TMEM163: variants seen among roughly 807,000 people sequenced by gnomAD.
The protein encoded by TMEM163 is transmembrane protein 163.
A neutral mutation model predicts 29.3 loss-of-function variants in TMEM163; 17 were observed. That is an observed-to-expected ratio of 0.58 (90% CI 0.40 to 0.87). The LOEUF is 0.87. Among genes scored for constraint, TMEM163 ranks in the 40% least tolerant of loss-of-function variants. The pLI, the probability that TMEM163 is intolerant of heterozygous loss-of-function variation, is 0.00. For synonymous variants in TMEM163, 157 were observed against 160.6 expected, an observed-to-expected ratio of 0.98 and a Z score of 0.17; for missense variants, 303 against 381.5, an observed-to-expected ratio of 0.79 and a Z score of 1.71.
chr2:134,645,903 A>G (rs774689890), intron 2 of TMEM163, among the ~76,000 whole-genome samples: 5 of 152,178 alleles, frequency 3.3e-5, no homozygotes, highest in Admixed American at 1.3e-4. Flanking sequence ...ACAATTGTTA[A>G]AAGTCATGGT....
At chr2:134,556,406 C>T (rs1037704609) in intron 2 of TMEM163, among the ~76,000 whole-genome samples, 2 of 152,162 alleles carry the variant, frequency 1.3e-5, no homozygotes, top group African/African-American at 4.8e-5. Context: ...ATAATAGGTT[C>T]ATGTGATTTA....
At chr2:134,707,169 G>A (rs1017530619) in intron 2 of TMEM163, among the ~76,000 whole-genome samples, 43 of 152,316 alleles carry the variant, frequency 2.8e-4, no homozygotes, top group Non-Finnish European at 5.9e-4. Context: ...CCGGACGCTA[G>A]GCAGGAAAAC....
chr2:134,494,182 A>G (rs1679494742), intron 5 of TMEM163, among the ~76,000 whole-genome samples: 1 of 152,120 alleles, frequency 6.6e-6, no homozygotes, highest in Non-Finnish European at 1.5e-5. Context: ...AGAAGTTGGT[A>G]GGTTCTTGCT....
chr2:134,633,987 AT>A (rs1683040223), intron 2 of TMEM163, among the ~76,000 whole-genome samples: 1 of 20,400 alleles, frequency 4.9e-5, no homozygotes, highest in Non-Finnish European at 1.0e-4. Context: ...ATATATATAT[AT>A]ATATATATAT....
chr2:134,553,806 C>G (rs990791243), intron 2 of TMEM163, among the ~76,000 whole-genome samples: 2 of 152,136 alleles, frequency 1.3e-5, no homozygotes, highest in Non-Finnish European at 2.9e-5. Context: ...TAAAGGGGCA[C>G]TGGCCCTTCC....
intron 4 of TMEM163, among the ~76,000 whole-genome samples, chr2:134,516,422 G>A (rs968105827): frequency 1.1e-4 from 16 of 151,808 alleles, no homozygotes; most frequent in East Asian, 3.9e-4. Context: ...TTAGTGAGGC[G>A]TGGTGGTGGG....
intron 2 of TMEM163, among the ~76,000 whole-genome samples, chr2:134,599,148 C>T (rs1012059544): frequency 1.3e-5 from 2 of 151,926 alleles, no homozygotes; most frequent in African/African-American, 4.8e-5. Flanking sequence ...GTGTTGACTC[C>T]GCTGTAACCC....
At chr2:134,493,936 G>T (rs1236766294) in intron 5 of TMEM163, among the ~76,000 whole-genome samples, 1 of 152,084 alleles carries the variant, frequency 6.6e-6, no homozygotes, top group East Asian at 1.9e-4. Context: ...GATATGTGCA[G>T]GTCTATTTCT....
chr2:134,519,595 G>A (rs900011021), intron 4 of TMEM163, among the ~76,000 whole-genome samples: 8 of 151,866 alleles, frequency 5.3e-5, no homozygotes, highest in East Asian at 1.9e-4. Flanking sequence ...GCCTGTAGTC[G>A]CAGCTACTCG....
At chr2:134,548,283 T>C (rs1680835006) in intron 4 of TMEM163, among the ~76,000 whole-genome samples, 1 of 152,066 alleles carries the variant, frequency 6.6e-6, no homozygotes, top group South Asian at 2.1e-4. Flanking sequence ...CAACATGTAA[T>C]GAACATTTTT....
At chr2:134,689,296 T>C (rs1351390699) in intron 2 of TMEM163, among the ~76,000 whole-genome samples, 1 of 151,878 alleles carries the variant, frequency 6.6e-6, no homozygotes, top group Non-Finnish European at 1.5e-5. Context: ...TTAGTAGAGA[T>C]GGGGTTTCAC....
At chr2:134,650,350 T>A (rs932207206) in intron 2 of TMEM163, among the ~76,000 whole-genome samples, 46 of 152,012 alleles carry the variant, frequency 3.0e-4, no homozygotes, top group African/African-American at 1.1e-3. Context: ...AAGCAAAAAA[T>A]TTAAATAATA....
intron 1 of TMEM163, among the ~76,000 whole-genome samples, chr2:134,716,134 T>C (rs1685033257): frequency 6.6e-6 from 1 of 152,176 alleles, no homozygotes; most frequent in African/African-American, 2.4e-5. Flanking sequence ...ACACATATAA[T>C]TACCTAAGGC....
chr2:134,543,649 G>A (rs1350257457), intron 4 of TMEM163, among the ~76,000 whole-genome samples: 2 of 152,210 alleles, frequency 1.3e-5, no homozygotes, highest in African/African-American at 4.8e-5. Flanking sequence ...AATTTCTGGA[G>A]TTGTTTCCAA....
chr2:134,648,713 T>C (rs183206026), intron 2 of TMEM163, among the ~76,000 whole-genome samples: 68 of 152,346 alleles, frequency 4.5e-4, no homozygotes, highest in African/African-American at 1.3e-3. Context: ...CTCATCAATC[T>C]GTGTAAGTGT....
intron 6 of TMEM163, chr2:134,458,933 A>C (rs1052288894): frequency 7.0e-6 from 1 of 143,524 alleles, no homozygotes; most frequent in African/African-American, 2.7e-5. Flanking sequence ...TTCACACAGC[A>C]GCCCACTGGG....
chr2:134,557,458 G>A (rs999107200), intron 2 of TMEM163, among the ~76,000 whole-genome samples: 1 of 152,164 alleles, frequency 6.6e-6, no homozygotes, highest in African/African-American at 2.4e-5. Context: ...TGCCCAAAGT[G>A]GTCCAGGCAC....
chr2:134,591,184 T>C (rs1391347425), intron 2 of TMEM163, among the ~76,000 whole-genome samples: 1 of 152,222 alleles, frequency 6.6e-6, no homozygotes. Flanking sequence ...CCTCTTCCAG[T>C]TCCCCTCTCC....
rs1686783747 is a variant in TMEM163, at chr2:134,470,829, G to C, written c.556-4604C>G. Among the ~76,000 whole-genome samples, 3 of 152,206 alleles carry C rather than the reference G, an allele frequency of 2.0e-5. No homozygotes were observed. In the South Asian group the frequency reaches 6.2e-4, roughly 32 times the overall value. ...TCTCCACACGGCTGCCATGTTGACT[G>C]TTGGCATGAACAGAATGTCACAGAG... On this transcript the variant is annotated intron_variant, in intron 5 of 7. Coordinates refer to ENST00000281924, the MANE Select transcript of TMEM163 (RefSeq NM_030923.5).
Sources: allele counts gnomAD v4.1 joint callset (sites outside exome capture counted in the v4.1 genomes callset), GRCh38; gene constraint gnomAD v4.1.1; transcripts MANE v1.5; gene names NCBI Gene and HGNC (gene_info 2026-07-23, HGNC 2026-07-21).